TBL1X: variants seen among roughly 807,000 people sequenced by gnomAD.
TBL1X encodes the protein F-box-like/WD repeat-containing protein TBL1X.
Under a neutral mutation model 50.7 loss-of-function variants are expected in TBL1X, and 10 were observed. That is an observed-to-expected ratio of 0.20 (90% CI 0.12 to 0.33). The LOEUF (loss-of-function observed/expected upper bound fraction) is 0.33, where lower values mean the gene tolerates loss of function less well. Among genes scored for constraint, TBL1X ranks in the 10% least tolerant of loss-of-function variants. TBL1X has a pLI of 1.00. For synonymous variants in TBL1X, 190 were observed against 214.7 expected (o/e 0.88, Z 1.01); for missense variants, 340 against 504.4 (o/e 0.67, Z 3.12).
intron 1 of TBL1X, among the ~76,000 whole-genome samples, chrX:9,471,415 T>G (rs1422205643): frequency 1.8e-5 from 2 of 111,745 alleles, no homozygotes; most frequent in Admixed American, 9.5e-5. Flanking sequence ...GTGTGAAGAT[T>G]TGGTTTGGAA....
upstream of TBL1X, chrX:9,463,416 A>G (rs963814560): frequency 1.8e-5 from 2 of 112,394 alleles, no homozygotes; most frequent in African/African-American, 3.2e-5. Flanking sequence ...CAACTGATAC[A>G]TAATAAGACA....
chrX:9,712,816 G>A (rs2083255795), intron 16 of TBL1X, among the ~76,000 whole-genome samples: 1 of 111,745 alleles, frequency 8.9e-6, no homozygotes, highest in Non-Finnish European at 1.9e-5. Context: ...TGGATGGGAA[G>A]TAGCACTGCA....
At chrX:9,495,064 C>T in intron 1 of TBL1X, among the ~76,000 whole-genome samples, 1 of 111,452 alleles carries the variant, frequency 9.0e-6, no homozygotes, top group South Asian at 3.7e-4. Context: ...GTGGGATGGG[C>T]TCAAGAGCTA....
intron 2 of TBL1X, among the ~76,000 whole-genome samples, chrX:9,504,963 A>T: frequency 9.0e-6 from 1 of 111,523 alleles, no homozygotes; most frequent in Non-Finnish European, 1.9e-5. Context: ...TACTGGGAAC[A>T]CCATTAAGAT....
In TBL1X at chrX:9,717,032, C is replaced by G. The variant is rs1253728092; in HGVS notation, c.*786C>G. 2 of 110,116 alleles carry G rather than the reference C, an allele frequency of 1.8e-5. No homozygotes were observed. Among genetic ancestry groups the G allele is most frequent in the African/African-American group, 3.3e-5 (1 of 30,040 alleles). The allele number at this position is 110,116 out of a possible 1,213,427, so 9.1% of individuals were successfully genotyped here. ...TCCCCCTTCCGCCCTCTCCCACCCT[C>G]TCCTCCCCTTGCGCTCGCGCTCGCG... On this transcript the variant is annotated 3_prime_UTR_variant, in exon 18 of 18. Transcript: ENST00000645353.
At position 9,653,694 on chromosome X, in the gene TBL1X, T is replaced by A; in HGVS notation, c.103+5T>A. 8.6e-7 allele frequency: 1 copy of A among 1,164,651 alleles called. No individual in the cohort carries two copies. ...TTCAACGTTTGCGAGGGAGAGGTAC[T>A]GCGGTTCCTCATGTGGCCAGGACCG... On this transcript the variant is annotated splice_donor_5th_base_variant and intron_variant, in intron 4 of 17. Coordinates refer to ENST00000645353, the MANE Select transcript of TBL1X (RefSeq NM_005647.4).
At chrX:9,665,147 G>T (rs1338049904) in intron 5 of TBL1X, among the ~76,000 whole-genome samples, 2 of 109,399 alleles carry the variant, frequency 1.8e-5, no homozygotes, top group Non-Finnish European at 3.8e-5. Flanking sequence ...GACGTTCACG[G>T]CAAGCAAAAT....
Position 9,472,519 on chromosome X carries a change from T to C in TBL1X, c.-201+7072T>C, listed in dbSNP as rs956541674. Reference sequence around the variant, plus strand: ...GTTGCCTAGGCTGGTCTTGAGCACCTGGACTCAAGCAATCTTCCTGCATCG... The same window carrying C: ...GTTGCCTAGGCTGGTCTTGAGCACCCGGACTCAAGCAATCTTCCTGCATCG... On this transcript the variant is annotated intron_variant, in intron 1 of 17. Coordinates refer to ENST00000645353, the MANE Select transcript of TBL1X (RefSeq NM_005647.4). Among the ~76,000 whole-genome samples, 26 of 107,877 alleles carry C rather than the reference T, an allele frequency of 2.4e-4. 1 individual carries two copies. Among genetic ancestry groups the C allele is most frequent in the Non-Finnish European group, 5.8e-5 (3 of 52,173 alleles). The allele number at this position is 107,877 out of a possible 115,157, so 93.7% of individuals were successfully genotyped here. A position where few individuals can be genotyped will look rare whatever the true frequency, so the allele number is the denominator to read the frequency against.
At chrX:9,469,321 C>G (rs1021015359) in intron 1 of TBL1X, among the ~76,000 whole-genome samples, 19 of 111,511 alleles carry the variant, frequency 1.7e-4, no homozygotes, top group African/African-American at 5.6e-4. Context: ...CTCCACCACA[C>G]CCGGCTGATT....
intron 1 of TBL1X, among the ~76,000 whole-genome samples, chrX:9,491,325 TATA>T (rs2081941461): frequency 3.1e-5 from 1 of 31,873 alleles, no homozygotes; most frequent in African/African-American, 1.2e-4. Flanking sequence ...TATATATATA[TATA>T]TATATATATA....
chrX:9,643,933 C>T (rs1003702449), intron 3 of TBL1X, among the ~76,000 whole-genome samples: 10 of 111,781 alleles, frequency 8.9e-5, no homozygotes, highest in African/African-American at 3.2e-4. Context: ...GATGGGGCAC[C>T]GCCTGCCTTT....
intron 16 of TBL1X, among the ~76,000 whole-genome samples, chrX:9,712,194 G>A (rs2083251642): frequency 8.9e-6 from 1 of 112,873 alleles, no homozygotes; most frequent in Non-Finnish European, 1.9e-5. Context: ...GTGGGAGTGG[G>A]GGACCAGCTA....
At chrX:9,664,383 A>G (rs1191593543) in intron 5 of TBL1X, among the ~76,000 whole-genome samples, 2 of 111,383 alleles carry the variant, frequency 1.8e-5, no homozygotes, top group African/African-American at 6.5e-5. Context: ...GGGTGGGGGT[A>G]CTCTCTTGTG....
chrX:9,640,131 AAGAC>A (rs2082767720), intron 2 of TBL1X, 138 bp from the exon 3 acceptor site: 1 of 112,319 alleles, frequency 8.9e-6, no homozygotes, highest in African/African-American at 3.2e-5. Context: ...GCTATGGACT[AAGAC>A]AGAAATTAAG....
At chrX:9,495,697 C>T (rs761946644) in intron 1 of TBL1X, among the ~76,000 whole-genome samples, 119 of 111,761 alleles carry the variant, frequency 1.1e-3, no homozygotes, top group Non-Finnish European at 1.9e-3. Flanking sequence ...CCTCATCTAA[C>T]GCACGTATTT....
At chrX:9,682,131 C>T (rs182852239) in intron 5 of TBL1X, among the ~76,000 whole-genome samples, 1 of 112,659 alleles carries the variant, frequency 8.9e-6, no homozygotes, top group South Asian at 3.7e-4. Context: ...GCAGGTAAAA[C>T]TCTGTATAGC....
intron 2 of TBL1X, among the ~76,000 whole-genome samples, chrX:9,588,873 G>C (rs188916940): frequency 1.8e-5 from 2 of 111,161 alleles, no homozygotes; most frequent in East Asian, 5.7e-4. Context: ...AAAGTGCTGG[G>C]ATTACAGGTG....
chrX:9,576,677 C>A (rs1427840825), intron 2 of TBL1X, among the ~76,000 whole-genome samples: 1 of 87,768 alleles, frequency 1.1e-5, no homozygotes, highest in Non-Finnish European at 2.2e-5. Flanking sequence ...CTCTTTAGAT[C>A]TTTTAAAAGC....
intron 12 of TBL1X, among the ~76,000 whole-genome samples, chrX:9,704,110 A>G (rs988879290): frequency 1.8e-5 from 2 of 111,853 alleles, no homozygotes; most frequent in African/African-American, 6.5e-5. Context: ...TGTCTTTGTG[A>G]CCCTGAACCA....
Sources: allele counts gnomAD v4.1 joint callset (sites outside exome capture counted in the v4.1 genomes callset), GRCh38; gene constraint gnomAD v4.1.1; transcripts MANE v1.5; gene names NCBI Gene and HGNC (gene_info 2026-07-23, HGNC 2026-07-21).